Variants in FAT3 observed in about 807,000 individuals in gnomAD.
FAT3 encodes the protein FAT atypical cadherin 3.
A neutral mutation model predicts 310.2 loss-of-function variants in FAT3; 95 were observed. That is an observed-to-expected ratio of 0.31 (90% CI 0.26 to 0.36). The LOEUF is 0.36. FAT3 is among the 10% of genes least tolerant of loss of function. FAT3 has a pLI of 1.00. For synonymous variants in FAT3, 2,314 were observed against 2,192.9 expected, an observed-to-expected ratio of 1.06 and a Z score of -1.54; for missense variants, 5,408 against 5,715.6, an observed-to-expected ratio of 0.95 and a Z score of 1.74.
In FAT3 at chr11:92,336,514, G is replaced by A. The variant is rs142758446; in HGVS notation, c.-17-15582G>A. 3.3e-5 allele frequency: 8 copies of A among 243,492 alleles called. No individual in the cohort carries two copies. The East Asian group carries it at 8.9e-4, about 27-fold the overall frequency. 15.1% of individuals were successfully genotyped at this position (243,492 alleles called of 1,614,324 possible). On this transcript the variant is annotated intron_variant, in intron 1 of 27. Coordinates refer to ENST00000525166, the MANE Select transcript of FAT3 (RefSeq NM_001367949.2). ...ACTGCCATGACAGATAGTCCTACAG[G>A]GTCTCCAACTCCTATAGACTCTATG...
At chr11:92,721,818 C>T (rs940318894) in intron 4 of FAT3, among the ~76,000 whole-genome samples, 1 of 152,092 alleles carries the variant, frequency 6.6e-6, no homozygotes, top group Non-Finnish European at 1.5e-5. Context: ...TCTTATGTGC[C>T]AGCAGACAAG....
chr11:92,282,657 TA>T (rs10586850), intron 1 of FAT3, among the ~76,000 whole-genome samples: 2,143 of 141,662 alleles, frequency 0.015, 42 homozygotes, highest in African/African-American at 0.045. Flanking sequence ...TCTCAAAAAA[TA>T]AAAAAAAAAA....
At chr11:92,828,600 G>T (rs375937510) in intron 13 of FAT3, among the ~76,000 whole-genome samples, 44 of 152,192 alleles carry the variant, frequency 2.9e-4, no homozygotes, top group African/African-American at 8.4e-4. Flanking sequence ...ATGAGGAGGT[G>T]GGGGGAGTGT....
intron 1 of FAT3, among the ~76,000 whole-genome samples, chr11:92,316,195 T>TAAAAAGAG (rs1947457281): frequency 6.6e-6 from 1 of 151,598 alleles, no homozygotes; most frequent in Non-Finnish European, 1.5e-5. Flanking sequence ...GAACTAGGGA[T>TAAAAAGAG]AAAAAGAGAA....
chr11:92,893,340 G>A lies in FAT3; in HGVS notation c.*2227G>A, dbSNP rs1949957591. 1.3e-5 allele frequency: 2 copies of A among 152,026 alleles called. No individual in the cohort carries two copies. The highest frequency in any genetic ancestry group is 2.4e-5 in the African/African-American group (1 of 41,358). 9.4% of individuals were successfully genotyped at this position (152,026 alleles called of 1,614,324 possible). The stretch of plus-strand genomic sequence containing the variant: ...GCTGCTTTCGAGAACAAAGTCTTTG[G>A]TATTTTTCTTATGTAAGAAGCACAT... On this transcript the variant is annotated 3_prime_UTR_variant, in exon 28 of 28. Transcript: ENST00000525166.
chr11:92,330,694 T>C (rs1375419261), intron 1 of FAT3, among the ~76,000 whole-genome samples: 1 of 152,192 alleles, frequency 6.6e-6, no homozygotes, highest in African/African-American at 2.4e-5. Context: ...TGGACAAAAA[T>C]ATGCAAATAA....
chr11:92,326,345 C>T (rs999341804), intron 1 of FAT3, among the ~76,000 whole-genome samples: 5 of 152,196 alleles, frequency 3.3e-5, no homozygotes, highest in Admixed American at 6.5e-5. Flanking sequence ...ATATTGCAGA[C>T]TTCAGCCTAG....
intron 3 of FAT3, among the ~76,000 whole-genome samples, chr11:92,597,484 A>G (rs532156805): frequency 6.6e-5 from 10 of 152,244 alleles, no homozygotes; most frequent in African/African-American, 2.4e-4. Flanking sequence ...AGGCCCCTTC[A>G]TGGCTGGGGA....
chr11:92,624,376 GA>G (rs1343180958), intron 3 of FAT3, among the ~76,000 whole-genome samples: 6 of 152,132 alleles, frequency 3.9e-5, no homozygotes, highest in Non-Finnish European at 8.8e-5. Context: ...AAATTAGCAG[GA>G]AAAAAACTTA....
At chr11:92,373,572 T>G (rs1218850240) in intron 2 of FAT3, among the ~76,000 whole-genome samples, 2 of 152,176 alleles carry the variant, frequency 1.3e-5, no homozygotes, top group Non-Finnish European at 2.9e-5. Flanking sequence ...ATTCATGTAT[T>G]CATTACAATA....
chr11:92,689,817 C>T (rs1943745547), intron 3 of FAT3, among the ~76,000 whole-genome samples: 1 of 152,266 alleles, frequency 6.6e-6, no homozygotes, highest in Middle Eastern at 3.4e-3. Context: ...AGGAGGAGGA[C>T]TTTGGAAGTA....
At chr11:92,429,173 C>T (rs1950707647) in intron 2 of FAT3, among the ~76,000 whole-genome samples, 1 of 152,034 alleles carries the variant, frequency 6.6e-6, no homozygotes, top group East Asian at 1.9e-4. Flanking sequence ...GGTTTAAGGT[C>T]TGTTTTATCA....
At chr11:92,292,408 G>C (rs1445985774) in intron 1 of FAT3, among the ~76,000 whole-genome samples, 1 of 151,974 alleles carries the variant, frequency 6.6e-6, no homozygotes, top group Admixed American at 6.6e-5. Flanking sequence ...TAGAGTTGTT[G>C]AACATGACCA....
chr11:92,752,210 A>G (rs1945848418), intron 4 of FAT3, among the ~76,000 whole-genome samples: 1 of 152,216 alleles, frequency 6.6e-6, no homozygotes, highest in African/African-American at 2.4e-5. Flanking sequence ...TTCCAATAAA[A>G]CTTTATTTAC....
chr11:92,572,112 A>G (rs1938196982), intron 3 of FAT3, among the ~76,000 whole-genome samples: 1 of 152,164 alleles, frequency 6.6e-6, no homozygotes, highest in Non-Finnish European at 1.5e-5. Flanking sequence ...TGTGAGTGTG[A>G]AAAAGACATG....
intron 3 of FAT3, among the ~76,000 whole-genome samples, chr11:92,615,038 C>T (rs1187320159): frequency 6.6e-6 from 1 of 152,108 alleles, no homozygotes; most frequent in African/African-American, 2.4e-5. Flanking sequence ...GCATTTATTT[C>T]TAAAGTCTGT....
intron 2 of FAT3, among the ~76,000 whole-genome samples, chr11:92,455,393 C>T (rs1200881802): frequency 6.6e-6 from 1 of 152,122 alleles, no homozygotes; most frequent in Middle Eastern, 3.2e-3. Flanking sequence ...ACCAGGGCAC[C>T]TGTTCACTAT....
intron 25 of FAT3, among the ~76,000 whole-genome samples, chr11:92,887,631 T>C (rs770405154): frequency 2.6e-4 from 40 of 152,214 alleles, no homozygotes; most frequent in Admixed American, 1.2e-3. Context: ...AAGCAGCTCC[T>C]TAGAAAAATG....
At chr11:92,691,498 C>A (rs898282741) in intron 3 of FAT3, among the ~76,000 whole-genome samples, 1 of 152,072 alleles carries the variant, frequency 6.6e-6, no homozygotes, top group Non-Finnish European at 1.5e-5. Context: ...TGGGCTCAAG[C>A]CATCCTCCCA....
Sources: allele counts gnomAD v4.1 joint callset (sites outside exome capture counted in the v4.1 genomes callset), GRCh38; gene constraint gnomAD v4.1.1; transcripts MANE v1.5; gene names NCBI Gene and HGNC (gene_info 2026-07-23, HGNC 2026-07-21).